The following SEC22A variants were observed in gnomAD, a reference collection of about 807,000 sequenced individuals.
The protein encoded by SEC22A is SEC22 homolog A, vesicle trafficking protein.
Under a neutral mutation model 35.3 loss-of-function variants are expected in SEC22A, and 22 were observed. The ratio of observed to expected loss-of-function variants is 0.62; its 90% CI spans 0.45 to 0.89. The LOEUF (loss-of-function observed/expected upper bound fraction) is 0.89. Among genes scored for constraint, SEC22A ranks in the 40% least tolerant of loss-of-function variants. The probability of loss-of-function intolerance (pLI) is 0.00; values close to 1 mark genes in which losing one functional copy is unlikely to be tolerated. For missense variants in SEC22A, 354 were observed against 362.5 expected (o/e 0.98, Z 0.19); for synonymous variants, 119 against 129.5 (o/e 0.92, Z 0.55).
intron 6 of SEC22A, among the ~76,000 whole-genome samples, chr3:123,260,131 CAAAAAAAAAAAAAAAAAAAAAA>C (rs533386545): frequency 3.6e-4 from 18 of 49,784 alleles, no homozygotes; most frequent in South Asian, 1.0e-3. Context: ...GACTACATCT[CAAAAAAAAAAAAAAAAAAAAAA>C]AAAAAAAAAA....
intron 2 of SEC22A, among the ~76,000 whole-genome samples, chr3:123,212,824 G>C (rs1404390940): frequency 6.6e-6 from 1 of 152,078 alleles, no homozygotes; most frequent in Non-Finnish European, 1.5e-5. Context: ...ATGCAAACTA[G>C]ATAGTCCATC....
Position 123,245,279 on chromosome 3 carries a change from T to C in SEC22A, c.542-620T>C, listed in dbSNP as rs1937557247. Among the ~76,000 whole-genome samples the C allele has an allele frequency of 2.0e-5, 3 of 152,234 alleles. No homozygotes were observed. In the South Asian group the frequency reaches 6.2e-4, roughly 32 times the overall value. On this transcript the variant is annotated intron_variant, in intron 4 of 6. Coordinates refer to ENST00000492595, the MANE Select transcript of SEC22A (RefSeq NM_012430.5). ...AGCAAAGTCACCTTTACAAATACTT[T>C]CACCTACCTGCAAATAGTAGACATA...
intron 1 of SEC22A, among the ~76,000 whole-genome samples, chr3:123,206,033 G>C (rs1304215377): frequency 6.6e-6 from 1 of 152,138 alleles, no homozygotes; most frequent in Non-Finnish European, 1.5e-5. Flanking sequence ...ATGAAATTTG[G>C]CAACCTATTA....
chr3:123,247,688 G>A (rs370660249), intron 5 of SEC22A, among the ~76,000 whole-genome samples: 2 of 152,126 alleles, frequency 1.3e-5, no homozygotes. Flanking sequence ...TTAGGTTTCA[G>A]AAGAACAATA....
chr3:123,257,911 G>A (rs2108094949), intron 5 of SEC22A, among the ~76,000 whole-genome samples: 1 of 151,544 alleles, frequency 6.6e-6, no homozygotes, highest in East Asian at 1.9e-4. Flanking sequence ...AGAATCGCTT[G>A]AACCTGGGAG....
chr3:123,242,073 T>C (rs1048955894), intron 4 of SEC22A, among the ~76,000 whole-genome samples: 2 of 152,206 alleles, frequency 1.3e-5, no homozygotes, highest in African/African-American at 4.8e-5. Flanking sequence ...ATCTTTCTTC[T>C]TGATGGTCTC....
chr3:123,271,927 AGAG>A lies in SEC22A; in HGVS notation c.*213_*215del, dbSNP rs1426424394. The A allele has an allele frequency of 5.2e-6, 3 of 579,484 alleles. No homozygotes were observed. Among genetic ancestry groups the A allele is most frequent in the Non-Finnish European group, 9.2e-6 (3 of 326,084 alleles). The allele number at this position is 579,484 out of a possible 1,614,324, so 35.9% of individuals were successfully genotyped here. ...AATGTTGGCCATGAGACTATCATTC[AGAG>A]GAGGAGGGGATTTCTCTCTTCAAGG... On this transcript the variant is annotated 3_prime_UTR_variant, in exon 7 of 7. Coordinates refer to ENST00000492595, the MANE Select transcript of SEC22A (RefSeq NM_012430.5).
At chr3:123,265,842 A>C (rs1366469631) in intron 6 of SEC22A, among the ~76,000 whole-genome samples, 1 of 152,180 alleles carries the variant, frequency 6.6e-6, no homozygotes, top group Non-Finnish European at 1.5e-5. Context: ...GTAAAAAATC[A>C]GCTGGACATA....
intron 4 of SEC22A, among the ~76,000 whole-genome samples, chr3:123,234,277 A>T (rs1290875504): frequency 1.3e-5 from 2 of 152,214 alleles, no homozygotes; most frequent in African/African-American, 4.8e-5. Flanking sequence ...GGTGATCCTA[A>T]AATTCATATG....
intron 5 of SEC22A, among the ~76,000 whole-genome samples, chr3:123,254,607 C>T (rs1407050180): frequency 6.6e-6 from 1 of 152,148 alleles, no homozygotes; most frequent in Non-Finnish European, 1.5e-5. Flanking sequence ...TTCCCTCAGC[C>T]CTGCTGTTCT....
At chr3:123,210,071 A>G (rs1936915216) in intron 2 of SEC22A, among the ~76,000 whole-genome samples, 1 of 152,234 alleles carries the variant, frequency 6.6e-6, no homozygotes, top group African/African-American at 2.4e-5. Context: ...GGGGCAAGTT[A>G]TGTAGTGAGT....
At chr3:123,264,990 C>G (rs1413052096) in intron 6 of SEC22A, among the ~76,000 whole-genome samples, 1 of 151,838 alleles carries the variant, frequency 6.6e-6, no homozygotes, top group African/African-American at 2.4e-5. Flanking sequence ...CACTGTTTTT[C>G]TTAAAGAGTT....
At chr3:123,220,070 T>C (rs1004280498) in intron 2 of SEC22A, among the ~76,000 whole-genome samples, 10 of 152,246 alleles carry the variant, frequency 6.6e-5, no homozygotes, top group Non-Finnish European at 1.2e-4. Context: ...TCACATGCCA[T>C]GTTAAAGACA....
chr3:123,220,894 A>ATATATATATATATATATATATG (rs1559753294), intron 2 of SEC22A, among the ~76,000 whole-genome samples: 2 of 145,210 alleles, frequency 1.4e-5, no homozygotes, highest in Admixed American at 6.8e-5. Context: ...ATATATATAT[A>ATATATATATATATATATATATG]TATGTCACAT....
At position 123,272,052 on chromosome 3, in the gene SEC22A, C is replaced by G. The variant is rs988286443; in HGVS notation, c.*330C>G. The G allele has an allele frequency of 7.5e-5, 21 of 279,548 alleles. No homozygotes were observed. Among genetic ancestry groups the G allele is most frequent in the African/African-American group, 2.2e-5 (1 of 45,904 alleles). The allele number at this position is 279,548 out of a possible 1,614,324, so 17.3% of individuals were successfully genotyped here. A position where few individuals can be genotyped will look rare whatever the true frequency, so the allele number is the denominator to read the frequency against. On this transcript the variant is annotated 3_prime_UTR_variant, in exon 7 of 7. Coordinates refer to ENST00000492595, the MANE Select transcript of SEC22A (RefSeq NM_012430.5). ...TTCAGAAAATAGATGTGGTATTGCT[C>G]TGAGGACCAGGCAGGAGGAACTCTA...
chr3:123,209,470 G>C lies in SEC22A; in HGVS notation c.182+71G>C, dbSNP rs932255139. ...TCATTTTAATGAAGTTTAAGTGGTT[G>C]CAATAGAAAGGAGTGATTAGGAAAA... On this transcript the variant is annotated intron_variant, in intron 2 of 6. Transcript: ENST00000492595. 2.3e-5 allele frequency: 29 copies of C among 1,272,650 alleles called. No individual in the cohort carries two copies. The South Asian group carries it at 3.7e-4, about 16-fold the overall frequency. 78.8% of individuals were successfully genotyped at this position (1,272,650 alleles called of 1,614,324 possible).
intron 5 of SEC22A, among the ~76,000 whole-genome samples, chr3:123,250,735 C>A (rs150012900): frequency 2.0e-5 from 3 of 152,344 alleles, no homozygotes; most frequent in Admixed American, 6.5e-5. Context: ...CAGTGAGAGA[C>A]AGCCAGACCA....
At chr3:123,216,416 AC>A (rs2108037352) in intron 2 of SEC22A, among the ~76,000 whole-genome samples, 1 of 152,346 alleles carries the variant, frequency 6.6e-6, no homozygotes, top group African/African-American at 2.4e-5. Flanking sequence ...TGGTGTAATT[AC>A]CATTGACTTC....
chr3:123,248,364 G>A (rs538286523), intron 5 of SEC22A, among the ~76,000 whole-genome samples: 27 of 152,120 alleles, frequency 1.8e-4, no homozygotes, highest in African/African-American at 4.8e-4. Flanking sequence ...AAAAACCTGG[G>A]ATTAATAAGT....
Sources: allele counts gnomAD v4.1 joint callset (sites outside exome capture counted in the v4.1 genomes callset), GRCh38; gene constraint gnomAD v4.1.1; transcripts MANE v1.5; gene names NCBI Gene and HGNC (gene_info 2026-07-23, HGNC 2026-07-21).